The following ASIC4 variants were observed in gnomAD, a reference collection of about 807,000 sequenced individuals.
The protein encoded by ASIC4 is acid sensing ion channel subunit family member 4, also known as acid-sensing ion channel 4.
Under a neutral mutation model 53.4 loss-of-function variants are expected in ASIC4, and 28 were observed. The ratio of observed to expected loss-of-function variants is 0.52; its 90% CI spans 0.39 to 0.72. The LOEUF is 0.72. Among genes scored for constraint, ASIC4 ranks in the 30% least tolerant of loss-of-function variants. The pLI is 0.00. For missense variants in ASIC4, 649 were observed against 729.7 expected (o/e 0.89, Z 1.27); for synonymous variants, 289 against 301.4 (o/e 0.96, Z 0.43).
chr2:219,514,059 G>A, upstream of ASIC4: 1 of 431,202 alleles, frequency 2.3e-6, no homozygotes, highest in Non-Finnish European at 4.1e-6. Flanking sequence ...TGGGGGGATA[G>A]AGTTGGCTGA....
At chr2:219,526,652 C>T (rs1052381459) in intron 1 of ASIC4, among the ~76,000 whole-genome samples, 4 of 151,626 alleles carry the variant, frequency 2.6e-5, no homozygotes, top group South Asian at 2.1e-4. Flanking sequence ...CAGAGGCTAG[C>T]GAGGCAGACA....
chr2:219,507,502 G>A, the ASIC4 span, among the ~76,000 whole-genome samples: 1 of 152,206 alleles, frequency 6.6e-6, no homozygotes, highest in Non-Finnish European at 1.5e-5. Flanking sequence ...CCCCTGGCAG[G>A]CTGGGTGGGC....
At chr2:219,509,185 A>T (rs1002455733), upstream of ASIC4, among the ~76,000 whole-genome samples, 1 of 152,006 alleles carries the variant, frequency 6.6e-6, no homozygotes, top group African/African-American at 2.4e-5. This position sits in a 1 kb window ranked among gnomAD's most constrained non-coding sequence, Gnocchi z 5.2. Context: ...TCCCCCTGGC[A>T]CTTAGCAGCC....
chr2:219,534,922 C>CCA (rs1559120123), intron 5 of ASIC4, among the ~76,000 whole-genome samples: 1 of 152,136 alleles, frequency 6.6e-6, no homozygotes, highest in Non-Finnish European at 1.5e-5. Context: ...GAGGACCCCC[C>CCA]CCCAGTCCCA....
rs116087048 is a variant in ASIC4, at chr2:219,523,117, C to T, written c.582+7811C>T. 7.3e-3 allele frequency among the ~76,000 whole-genome samples: 1,108 copies of T among 152,350 alleles called. 16 individuals carry two copies. Among genetic ancestry groups the T allele is most frequent in the African/African-American group, 0.025 (1,029 of 41,586 alleles). On this transcript the variant is annotated intron_variant, in intron 1 of 9. Transcript: ENST00000358078. ...CTTTCTGTCTTGTCTCCTGAACTCC[C>T]GCCTGGCTGTGGGAGTGTGCTCCAC...
At chr2:219,532,706 G>C (rs1394820172) in intron 4 of ASIC4, 177 bp from the exon 5 acceptor site, 1 of 811,820 alleles carries the variant, frequency 1.2e-6, no homozygotes, top group East Asian at 2.6e-5. Flanking sequence ...ATTTGTGTAC[G>C]TGCATGCTCA....
In ASIC4 at chr2:219,536,594, G is replaced by A. The variant is rs1431087502; in HGVS notation, c.1230-472G>A. Among the ~76,000 whole-genome samples, 1 of 152,074 alleles carries A rather than the reference G, an allele frequency of 6.6e-6. No homozygotes were observed. Among genetic ancestry groups the A allele is most frequent in the East Asian group, 1.9e-4 (1 of 5,172 alleles). On this transcript the variant is annotated intron_variant, in intron 6 of 9. Transcript: ENST00000358078. The surrounding 1 kb of genome is among the most constrained non-coding windows in gnomAD (Gnocchi z 4.6). ...ATGGGGAGGCGTCCAGTGACAGGAC[G>A]TGGGGCGGTGGGGTGGTGTGGCGGG...
chr2:219,530,734 C>T (rs1486395448), intron 1 of ASIC4, among the ~76,000 whole-genome samples: 1 of 152,016 alleles, frequency 6.6e-6, no homozygotes, highest in African/African-American at 2.4e-5. Context: ...ACAACAAAAG[C>T]CCGAGGAGAA....
rs1017160440 is a variant in ASIC4, at chr2:219,516,221, G to A, written c.582+915G>A. ...TCTCCATGTCTAGCTCCCAGCTCTC[G>A]CTTAGCTGCCAAGGACAGGGTCCCA... On this transcript the variant is annotated intron_variant, in intron 1 of 9. Coordinates refer to ENST00000358078, the MANE Select transcript of ASIC4 (RefSeq NM_018674.6). This position sits in a 1 kb window ranked among gnomAD's most constrained non-coding sequence, Gnocchi z 4.9. Among the ~76,000 whole-genome samples, 9 of 152,206 alleles carry A rather than the reference G, an allele frequency of 5.9e-5. No individual in the cohort carries two copies. Among genetic ancestry groups the A allele is most frequent in the East Asian group, 1.9e-4 (1 of 5,172 alleles).
chr2:219,514,076 A>C (rs1694736087), upstream of ASIC4: 3 of 479,058 alleles, frequency 6.3e-6, no homozygotes, highest in East Asian at 6.8e-5. Flanking sequence ...CTGACCCTTC[A>C]TGGGGTGTGG....
upstream of ASIC4, among the ~76,000 whole-genome samples, chr2:219,511,477 G>T (rs898367016): frequency 2.0e-5 from 3 of 151,774 alleles, no homozygotes; most frequent in Non-Finnish European, 2.9e-5. This position sits in a 1 kb window ranked among gnomAD's most constrained non-coding sequence, Gnocchi z 5.3. Flanking sequence ...CTCATCCCCT[G>T]GGGGGCGGAG....
In ASIC4 at chr2:219,538,585, C is replaced by T; in HGVS notation, c.*539C>T. ...CAGGGGGAGAGGATGGCCCAGCAGG[C>T]CTGGCCCAGCTCCCAGTTCCCCCTG... On this transcript the variant is annotated 3_prime_UTR_variant, in exon 10 of 10. Coordinates refer to ENST00000358078, the MANE Select transcript of ASIC4 (RefSeq NM_018674.6). 6.3e-6 allele frequency: 1 copy of T among 159,978 alleles called. No individual in the cohort carries two copies. Among genetic ancestry groups the T allele is most frequent in the Non-Finnish European group, 1.4e-5 (1 of 72,276 alleles). The allele number at this position is 159,978 out of a possible 1,614,324, so 9.9% of individuals were successfully genotyped here. A position where few individuals can be genotyped will look rare whatever the true frequency, so the allele number is the denominator to read the frequency against.
In ASIC4 at chr2:219,537,519, C is replaced by T; in HGVS notation, c.1402-113C>T. 9.3e-7 allele frequency: 1 copy of T among 1,074,668 alleles called. No homozygotes were observed. The highest frequency in any genetic ancestry group is 1.4e-6 in the Non-Finnish European group (1 of 735,712). The allele number at this position is 1,074,668 out of a possible 1,614,324, so 66.6% of individuals were successfully genotyped here. A position where few individuals can be genotyped will look rare whatever the true frequency, so the allele number is the denominator to read the frequency against. ...GGGTGAGGAGGAGGAGGGTGTCCTA[C>T]TGGGAGTTTGCTGTGGCAGTAAGTC... On this transcript the variant is annotated intron_variant, in intron 8 of 9. Coordinates refer to ENST00000358078, the MANE Select transcript of ASIC4 (RefSeq NM_018674.6). This position sits in a 1 kb window ranked among gnomAD's most constrained non-coding sequence, Gnocchi z 4.9.
intron 1 of ASIC4, among the ~76,000 whole-genome samples, chr2:219,529,193 T>C (rs920002279): frequency 6.6e-6 from 1 of 152,202 alleles, no homozygotes; most frequent in African/African-American, 2.4e-5. Context: ...TGAGGATTCA[T>C]CCAGATAGAA....
At chr2:219,515,883 C>T (rs934184323) in intron 1 of ASIC4, among the ~76,000 whole-genome samples, 16 of 152,082 alleles carry the variant, frequency 1.1e-4, no homozygotes, top group Non-Finnish European at 1.8e-4. Flanking sequence ...CACATGCCTG[C>T]CTCACAGACT....
intron 1 of ASIC4, among the ~76,000 whole-genome samples, chr2:219,526,073 C>T (rs928689943): frequency 6.6e-6 from 1 of 152,106 alleles, no homozygotes; most frequent in South Asian, 2.1e-4. Context: ...GCTCTGAGCC[C>T]TGGCCCCGCT....
At chr2:219,508,751 G>A in the ASIC4 span, among the ~76,000 whole-genome samples, 4 of 145,494 alleles carry the variant, frequency 2.7e-5, no homozygotes, top group Admixed American at 6.9e-5. Context: ...GTAGGAGGGC[G>A]CCAGCCCGGG....
chr2:219,510,236 G>A (rs1482616342), upstream of ASIC4, among the ~76,000 whole-genome samples: 2 of 136,268 alleles, frequency 1.5e-5, no homozygotes, highest in South Asian at 2.5e-4. This position sits in a 1 kb window ranked among gnomAD's most constrained non-coding sequence, Gnocchi z 5.2. Context: ...CATGCCCCTC[G>A]GAGCTCTAAT....
At chr2:219,525,837 A>AAG (rs1461790600) in intron 1 of ASIC4, among the ~76,000 whole-genome samples, 1 of 152,170 alleles carries the variant, frequency 6.6e-6, no homozygotes, top group Non-Finnish European at 1.5e-5. Flanking sequence ...AGGGGTACCT[A>AAG]AGAGAGAGGC....
Sources: allele counts gnomAD v4.1 joint callset (sites outside exome capture counted in the v4.1 genomes callset), GRCh38; gene constraint gnomAD v4.1.1; non-coding constraint Gnocchi (gnomAD v3.1); transcripts MANE v1.5; gene names NCBI Gene and HGNC (gene_info 2026-07-23, HGNC 2026-07-21).